Variants in PDS5A observed in about 807,000 individuals in gnomAD.
PDS5A encodes PDS5 cohesin associated factor A.
In PDS5A, 42 loss-of-function variants were observed where a neutral mutation model predicts 167.1. That is an observed-to-expected ratio of 0.25 (90% CI 0.20 to 0.33). The LOEUF (loss-of-function observed/expected upper bound fraction) is 0.33, where lower values mean the gene tolerates loss of function less well. PDS5A is among the 10% of genes least tolerant of loss of function. PDS5A has a pLI of 1.00. For synonymous variants in PDS5A, 553 were observed against 554.6 expected (o/e 1.00, Z 0.04); for missense variants, 1,033 against 1,605.9 (o/e 0.64, Z 6.10).
rs1374791504 is a variant in PDS5A at position 39,874,409 on chromosome 4, G to T, written c.2157C>A (p.Thr719=). The change falls in exon 20 of 33, where the codon ACC becomes ACA. Residue 719 remains threonine, a synonymous_variant. Transcript: ENST00000303538. ...IETDLPQIRS[T]LIPILHQKAK... ...CTTTTTGATGTAAAATGGGAATTAA[G>T]GTCCTGCAAAAAATAATATAGTTGT... The T allele has an allele frequency of 6.2e-7, 1 of 1,610,876 alleles. No homozygotes were observed. The highest frequency in any genetic ancestry group is 1.7e-5 in the Admixed American group (1 of 59,512).
At position 39,862,939 on chromosome 4, in the gene PDS5A, G is replaced by C. The variant is rs553311650; in HGVS notation, c.2901C>G (p.His967Gln). ...AKDPVKERRAHARQCLLKNIS... is the reference protein window; with the variant it reads ...AKDPVKERRAQARQCLLKNIS... Reference sequence around the variant, plus strand: ...TATTTTTCAGTAAACATTGTCGTGCGTGTGCTCTTCTCTCCTTCACAGGAT... The same window carrying C: ...TATTTTTCAGTAAACATTGTCGTGCCTGTGCTCTTCTCTCCTTCACAGGAT... Residue 967 changes from histidine (H) to glutamine (Q), a missense_variant, in exon 25 of 33, where the codon CAC becomes CAG. His to Gln is a conservative substitution (Grantham distance 24, BLOSUM62 0). Coordinates refer to ENST00000303538, the MANE Select transcript of PDS5A (RefSeq NM_001100399.2). 4.3e-6 allele frequency: 7 copies of C among 1,613,216 alleles called. No individual in the cohort carries two copies. The highest frequency in any genetic ancestry group is 4.2e-6 in the Non-Finnish European group (5 of 1,179,638).
chr4:39,861,164 TAA>T (rs1718958378), intron 26 of PDS5A, among the ~76,000 whole-genome samples: 3 of 149,850 alleles, frequency 2.0e-5, no homozygotes, highest in African/African-American at 4.9e-5. Context: ...GAAGGGGGAA[TAA>T]AGAGAGACTG....
chr4:39,842,909 T>TTATATATATA (rs71194933), intron 30 of PDS5A, among the ~76,000 whole-genome samples: 3,646 of 92,110 alleles, frequency 0.04, 177 homozygotes, highest in African/African-American at 0.057. Flanking sequence ...TATCCTATTT[T>TTATATATATA]TATATATATA....
rs1334065200 is a variant in PDS5A, at chr4:39,898,576, C to A, written c.1631-48G>T. ...ATATTAGAGAAGGAAAAAAAAAAAACTATTCTACTAAGCTAAAAACAGGTG... is the reference window on the plus strand; with the variant it reads ...ATATTAGAGAAGGAAAAAAAAAAAAATATTCTACTAAGCTAAAAACAGGTG... On this transcript the variant is annotated intron_variant, in intron 15 of 32. Transcript: ENST00000303538. 1.5e-5 allele frequency: 16 copies of A among 1,092,886 alleles called. No homozygotes were observed. In the East Asian group the frequency reaches 2.2e-4, roughly 15 times the overall value. The allele number at this position is 1,092,886 out of a possible 1,614,324, so 67.7% of individuals were successfully genotyped here.
intron 26 of PDS5A, 135 bp from the exon 27 acceptor site, chr4:39,849,787 A>G (rs1717956354): frequency 1.8e-6 from 1 of 559,102 alleles, no homozygotes; most frequent in Non-Finnish European, 3.1e-6. Flanking sequence ...AATATATGTT[A>G]TTATCCTAAT....
chr4:39,975,106 C>CAAAAAA (rs57418654), intron 2 of PDS5A, among the ~76,000 whole-genome samples: 1 of 85,234 alleles, frequency 1.2e-5, no homozygotes, highest in East Asian at 3.1e-4. Context: ...GACTCCGTCT[C>CAAAAAA]AAAAAAAAAA....
Position 39,908,478 on chromosome 4 carries a change from T to C in PDS5A, c.1150A>G (p.Ile384Val). 1 of 1,602,996 alleles carries C rather than the reference T, an allele frequency of 6.2e-7. No individual in the cohort carries two copies. The highest frequency in any genetic ancestry group is 8.5e-7 in the Non-Finnish European group (1 of 1,169,942). The change falls in exon 11 of 33, where the codon ATA becomes GTA. Residue 384 changes from isoleucine to valine, a missense_variant. Around this residue, in one of 4 missense-constraint regions of PDS5A, gnomAD observed 388 missense variants for 615.1 expected, o/e 0.63. Coordinates refer to ENST00000303538, the MANE Select transcript of PDS5A (RefSeq NM_001100399.2). ...EAIRHDVIVT[I>V]ITAAKRDLAL... ...AGGTCCCTCTTGGCAGCTGTTATTA[T>C]AGTAACAATGACATCATGACGAATA...
rs573731738 is a variant in PDS5A, at chr4:39,849,716, T to A, written c.3087-64A>T. ...ATGCTTTAGCTTAAAGCAATAAATA[T>A]GTTAGCTGGGAATTTCTGTTGTCTG... On this transcript the variant is annotated intron_variant, in intron 26 of 32. Transcript: ENST00000303538. 12 of 1,086,430 alleles carry A rather than the reference T, an allele frequency of 1.1e-5. No individual in the cohort carries two copies. The African/African-American group carries it at 1.7e-4, about 16-fold the overall frequency. 67.3% of individuals were successfully genotyped at this position (1,086,430 alleles called of 1,614,324 possible).
chr4:39,936,048 G>C (rs1002442075), intron 2 of PDS5A, among the ~76,000 whole-genome samples: 2 of 152,184 alleles, frequency 1.3e-5, no homozygotes, highest in African/African-American at 4.8e-5. Flanking sequence ...GAACCTGACA[G>C]AAGCAAGGCG....
intron 32 of PDS5A, chr4:39,837,172 G>A (rs2087176533): frequency 6.6e-6 from 1 of 151,934 alleles, no homozygotes; most frequent in Admixed American, 6.6e-5. Flanking sequence ...AGGATAGTGG[G>A]GGTATCCTGA....
chr4:39,830,009 G>A (rs1276564474), intron 32 of PDS5A, among the ~76,000 whole-genome samples: 3 of 141,530 alleles, frequency 2.1e-5, no homozygotes, highest in African/African-American at 8.2e-5. Context: ...ACCGCCATGA[G>A]CAGTATCATG....
At position 39,934,643 on chromosome 4, in the gene PDS5A, C is replaced by A. The variant is rs1365649074; in HGVS notation, c.139-6479G>T. ...TTTTTTTTTTTTTTTAAGAAATGAG[C>A]AGGAAAAAATCAAACTAAGTTTTTT... On this transcript the variant is annotated intron_variant, in intron 2 of 32. Coordinates refer to ENST00000303538, the MANE Select transcript of PDS5A (RefSeq NM_001100399.2). Among the ~76,000 whole-genome samples the A allele has an allele frequency of 4.3e-5, 6 of 139,644 alleles. No homozygotes were observed. The East Asian group carries it at 1.2e-3, about 28-fold the overall frequency. The allele number at this position is 139,644 out of a possible 152,430, so 91.6% of individuals were successfully genotyped here. A position where few individuals can be genotyped will look rare whatever the true frequency, so the allele number is the denominator to read the frequency against.
At chr4:39,943,348 T>C (rs1727416638) in intron 2 of PDS5A, among the ~76,000 whole-genome samples, 1 of 152,166 alleles carries the variant, frequency 6.6e-6, no homozygotes, top group Middle Eastern at 3.2e-3. Context: ...ATATATAATT[T>C]ATTACTAATA....
At chr4:39,929,893 G>A (rs1282697096) in intron 2 of PDS5A, among the ~76,000 whole-genome samples, 1 of 148,766 alleles carries the variant, frequency 6.7e-6, no homozygotes, top group Non-Finnish European at 1.5e-5. Flanking sequence ...CTACAAGCAT[G>A]TGTCACTATA....
chr4:39,929,534 T>TATACAC (rs1307851895), intron 2 of PDS5A, among the ~76,000 whole-genome samples: 1 of 102,640 alleles, frequency 9.7e-6, no homozygotes, highest in Non-Finnish European at 2.0e-5. Context: ...TATATATATA[T>TATACAC]ATATATATAT....
At chr4:39,858,371 CAAATT>C (rs904097825) in intron 26 of PDS5A, among the ~76,000 whole-genome samples, 5 of 152,212 alleles carry the variant, frequency 3.3e-5, no homozygotes, top group African/African-American at 1.2e-4. Flanking sequence ...GACATACAGA[CAAATT>C]AAATAGGATT....
chr4:39,896,184 A>C (rs1267795058), intron 16 of PDS5A, among the ~76,000 whole-genome samples: 1 of 151,858 alleles, frequency 6.6e-6, no homozygotes, highest in African/African-American at 2.4e-5. Context: ...TCAGGACTAC[A>C]GGTGTGCGCC....
chr4:39,874,572 GC>G (rs1720311390), intron 19 of PDS5A, among the ~76,000 whole-genome samples, 160 bp from the exon 20 acceptor site: 1 of 151,982 alleles, frequency 6.6e-6, no homozygotes, highest in Non-Finnish European at 1.5e-5. Context: ...CTCCATCTCT[GC>G]CCCCAAGTAT....
chr4:39,901,372 A>G (rs1045144066), intron 13 of PDS5A, among the ~76,000 whole-genome samples: 1 of 150,800 alleles, frequency 6.6e-6, no homozygotes, highest in Non-Finnish European at 1.5e-5. Context: ...GGTTCAAGCA[A>G]TTCTCCGGCC....
Sources: gnomAD v4.1 joint callset for allele counts (sites outside exome capture counted in the v4.1 genomes callset) on GRCh38, gnomAD v4.1.1 for gene constraint, gnomAD v4.1.1 regional missense constraint, MANE v1.5 for transcripts, NCBI Gene and HGNC (gene_info 2026-07-23, HGNC 2026-07-21) for gene names.